Variants in CDK19 observed in about 807,000 individuals in gnomAD.
CDK19 encodes the protein cyclin-dependent kinase 19.
A neutral mutation model predicts 68.3 loss-of-function variants in CDK19; 20 were observed. That is an observed-to-expected ratio of 0.29 (90% CI 0.21 to 0.43). The LOEUF (loss-of-function observed/expected upper bound fraction) is 0.43. CDK19 is among the 20% of genes least tolerant of loss of function. CDK19 has a pLI of 1.00. For missense variants in CDK19, 339 were observed against 623.5 expected, an observed-to-expected ratio of 0.54 and a Z score of 4.86; for synonymous variants, 221 against 222.8, an observed-to-expected ratio of 0.99 and a Z score of 0.07.
chr6:110,702,084 T>G (rs1774058105), intron 2 of CDK19, among the ~76,000 whole-genome samples: 2 of 151,836 alleles, frequency 1.3e-5, no homozygotes, highest in African/African-American at 4.8e-5. Flanking sequence ...GAGGTTGCAG[T>G]GAGCCGAGAT....
In CDK19 at chr6:110,610,326, T is replaced by A. The variant is rs1582660183; in HGVS notation, c.*4209A>T. On this transcript the variant is annotated 3_prime_UTR_variant, in exon 13 of 13. Coordinates refer to ENST00000368911, the MANE Select transcript of CDK19 (RefSeq NM_015076.5). ...GGCAGTTTAGAAAGGATATACTACA[T>A]AACATATATAAAAAGTACTTTAAAT... 1 of 152,620 alleles carries A rather than the reference T, an allele frequency of 6.6e-6. No individual in the cohort carries two copies. The allele number at this position is 152,620 out of a possible 1,614,324, so 9.5% of individuals were successfully genotyped here.
At chr6:110,809,263 C>T (rs1782900734) in intron 1 of CDK19, among the ~76,000 whole-genome samples, 1 of 151,788 alleles carries the variant, frequency 6.6e-6, no homozygotes, top group Non-Finnish European at 1.5e-5. Flanking sequence ...GTCTGTAATC[C>T]CAGCACTTTG....
At chr6:110,776,359 G>A (rs1168243072) in intron 1 of CDK19, among the ~76,000 whole-genome samples, 1 of 151,920 alleles carries the variant, frequency 6.6e-6, no homozygotes, top group Non-Finnish European at 1.5e-5. Flanking sequence ...AACCTGGGAG[G>A]TGGAGGTTGC....
chr6:110,660,085 TC>T (rs1356774013), intron 4 of CDK19, among the ~76,000 whole-genome samples: 1 of 152,186 alleles, frequency 6.6e-6, no homozygotes, highest in Non-Finnish European at 1.5e-5. Context: ...TCCCACCTTA[TC>T]CTCTTGAGTA....
intron 12 of CDK19, among the ~76,000 whole-genome samples, chr6:110,617,107 G>A (rs960938898): frequency 6.6e-6 from 1 of 152,142 alleles, no homozygotes; most frequent in Non-Finnish European, 1.5e-5. Context: ...TTGTCTCACA[G>A]TCCCATTCTC....
chr6:110,797,426 A>C (rs1181193727), intron 1 of CDK19, among the ~76,000 whole-genome samples: 1 of 152,166 alleles, frequency 6.6e-6, no homozygotes, highest in South Asian at 2.1e-4. Context: ...GTTTGTGACT[A>C]CTCTGATCTC....
chr6:110,769,035 G>A (rs1229714786), intron 1 of CDK19, among the ~76,000 whole-genome samples: 7 of 150,068 alleles, frequency 4.7e-5, no homozygotes, highest in African/African-American at 1.5e-4. Context: ...CGTGCCTGTA[G>A]TCTCAGCTAC....
At chr6:110,667,079 A>G (rs1299469684) in intron 4 of CDK19, among the ~76,000 whole-genome samples, 1 of 152,208 alleles carries the variant, frequency 6.6e-6, no homozygotes, top group Non-Finnish European at 1.5e-5. Flanking sequence ...ATGAGAACTC[A>G]GTATTAATTA....
At chr6:110,647,110 A>G (rs916411830) in intron 4 of CDK19, among the ~76,000 whole-genome samples, 2 of 151,828 alleles carry the variant, frequency 1.3e-5, no homozygotes, top group African/African-American at 4.8e-5. Context: ...ACTCCCCTCT[A>G]TCACCCCCAA....
intron 4 of CDK19, among the ~76,000 whole-genome samples, chr6:110,658,550 A>G (rs1320239768): frequency 6.6e-6 from 1 of 152,246 alleles, no homozygotes; most frequent in East Asian, 1.9e-4. Flanking sequence ...TTAGTAATAT[A>G]TCATTCAAGA....
At chr6:110,717,778 C>A (rs148134781) in intron 2 of CDK19, among the ~76,000 whole-genome samples, 3 of 152,058 alleles carry the variant, frequency 2.0e-5, no homozygotes, top group African/African-American at 7.2e-5. Context: ...CTTGGCTCAC[C>A]GCAACCTCTG....
At chr6:110,781,017 C>T (rs1269676577) in intron 1 of CDK19, among the ~76,000 whole-genome samples, 1 of 152,088 alleles carries the variant, frequency 6.6e-6, no homozygotes, top group Non-Finnish European at 1.5e-5. Flanking sequence ...GTTCTTTATG[C>T]ACATTATCTT....
At chr6:110,620,642 A>C (rs575663714) in intron 12 of CDK19, among the ~76,000 whole-genome samples, 18 of 152,330 alleles carry the variant, frequency 1.2e-4, no homozygotes, top group Non-Finnish European at 2.2e-4. Context: ...ATGAGACTTA[A>C]CAGTTATTTC....
chr6:110,672,112 T>C lies in CDK19; in HGVS notation c.205-1571A>G, dbSNP rs867130366. The stretch of plus-strand genomic sequence containing the variant: ...GCAAACCCTGTTTTTAATGACCCCA[T>C]TGCTATGGCCAGCCTTGAAGCACTT... On this transcript the variant is annotated intron_variant, in intron 2 of 12. Transcript: ENST00000368911. 9.9e-5 allele frequency among the ~76,000 whole-genome samples: 15 copies of C among 152,254 alleles called. 1 individual carries two copies. The Middle Eastern group carries it at 0.024, about 242-fold the overall frequency.
At chr6:110,719,995 C>G (rs1775736627) in intron 2 of CDK19, among the ~76,000 whole-genome samples, 2 of 125,958 alleles carry the variant, frequency 1.6e-5, no homozygotes, top group Non-Finnish European at 3.4e-5. Context: ...CACCCCCCCC[C>G]TGCTTCGGCC....
chr6:110,683,163 A>C (rs1167358363), intron 2 of CDK19, among the ~76,000 whole-genome samples: 2 of 147,228 alleles, frequency 1.4e-5, no homozygotes, highest in African/African-American at 5.1e-5. Flanking sequence ...GCAACAGAGC[A>C]AGACTGTCTC....
chr6:110,629,605 T>C (rs1388322222), intron 6 of CDK19, among the ~76,000 whole-genome samples: 3 of 152,174 alleles, frequency 2.0e-5, no homozygotes, highest in Non-Finnish European at 4.4e-5. Context: ...CCACCTGCCT[T>C]GGCCTCCCAA....
At chr6:110,762,134 C>G (rs12195167) in intron 1 of CDK19, among the ~76,000 whole-genome samples, 37,701 of 151,972 alleles carry the variant, frequency 0.25, 4,803 homozygotes, top group South Asian at 0.4. Flanking sequence ...TTTTGTTTAA[C>G]AGAAAAATGG....
In CDK19 at chr6:110,612,600, G is replaced by A. The variant is rs1042633836; in HGVS notation, c.*1935C>T. On this transcript the variant is annotated 3_prime_UTR_variant, in exon 13 of 13. Transcript: ENST00000368911. ...CAGCAGGGCACCAGGCACATGGTGA[G>A]GGTGCAATAAGCATCTGATGACCAA... 1 of 152,260 alleles carries A rather than the reference G, an allele frequency of 6.6e-6. No individual in the cohort carries two copies. Among genetic ancestry groups the A allele is most frequent in the Non-Finnish European group, 1.5e-5 (1 of 68,076 alleles). 9.4% of individuals were successfully genotyped at this position (152,260 alleles called of 1,614,324 possible).
Sources: allele counts gnomAD v4.1 joint callset (sites outside exome capture counted in the v4.1 genomes callset), GRCh38; gene constraint gnomAD v4.1.1; transcripts MANE v1.5; gene names NCBI Gene and HGNC (gene_info 2026-07-23, HGNC 2026-07-21).